Variants in TRPM7 observed in about 807,000 individuals in gnomAD.
TRPM7 encodes the protein transient receptor potential cation channel subfamily M member 7.
A neutral mutation model predicts 229.7 loss-of-function variants in TRPM7; 134 were observed. The ratio of observed to expected loss-of-function variants is 0.58; its 90% CI spans 0.51 to 0.67. TRPM7 has a LOEUF of 0.67. Ranked by LOEUF, TRPM7 falls within the 30% of genes least tolerant of loss-of-function variation. TRPM7 has a pLI of 0.00. For missense variants in TRPM7, 1,901 were observed against 2,210.0 expected (o/e 0.86, Z 2.80); for synonymous variants, 699 against 715.2 (o/e 0.98, Z 0.36).
chr15:50,668,823 T>C (rs1488194514), intron 1 of TRPM7, among the ~76,000 whole-genome samples: 4 of 142,856 alleles, frequency 2.8e-5, no homozygotes, highest in African/African-American at 9.9e-5. Flanking sequence ...TAGATATTTG[T>C]ATAAGTGCAG....
rs182363756 is a variant in TRPM7, at chr15:50,646,883, C to T, written c.321+1804G>A. Among the ~76,000 whole-genome samples the T allele has an allele frequency of 1.4e-4, 21 of 152,294 alleles. No homozygotes were observed. In the East Asian group the frequency reaches 4.1e-3, roughly 29 times the overall value. ...GACACATATTTCCCATTGTGTTACA[C>T]TGTTACACCTGCCTACCATATTTAG... On this transcript the variant is annotated intron_variant, in intron 4 of 38. Transcript: ENST00000646667.
Position 50,591,912 on chromosome 15 carries a change from T to C in TRPM7, c.4323A>G (p.Val1441=). 6.5e-7 allele frequency: 1 copy of C among 1,545,742 alleles called. No homozygotes were observed. Among genetic ancestry groups the C allele is most frequent in the Non-Finnish European group, 8.7e-7 (1 of 1,152,116 alleles). The stretch of plus-strand genomic sequence containing the variant: ...CAAATACGAATTTGCCAAACTTACC[T>C]ACAAATGCTCCAAATTCTGTATTAT... ...EGDNTEFGAF[V]GHRDSMDLQR... Residue 1441 remains valine (V), a splice_region_variant and synonymous_variant, in exon 26 of 39, where the codon GTA becomes GTG. Transcript: ENST00000646667.
In TRPM7 at chr15:50,607,273, TC is replaced by T; in HGVS notation, c.2635del (p.Glu879AsnfsTer34). ...LYTFVVLVQM[E>X]QLPSVQEWIV... ...CCATTCTTGAACTGAAGGTAACTGT[TC>T]CATTTGTACAAGAACCACAAATGTA... On this transcript the variant is annotated frameshift_variant, in exon 20 of 39. Transcript: ENST00000646667. LOFTEE classifies it high-confidence loss of function. 1 of 1,608,432 alleles carries T rather than the reference TC, an allele frequency of 6.2e-7. No homozygotes were observed. Among genetic ancestry groups the T allele is most frequent in the South Asian group, 1.1e-5 (1 of 89,510 alleles).
At chr15:50,636,336 A>G (rs1486529702) in intron 7 of TRPM7, among the ~76,000 whole-genome samples, 2 of 151,948 alleles carry the variant, frequency 1.3e-5, no homozygotes, top group Non-Finnish European at 2.9e-5. Flanking sequence ...GACTACAAGC[A>G]CACGCCACCA....
intron 10 of TRPM7, 21 bp from the exon 11 acceptor site, chr15:50,628,270 G>GTT (rs748870169): frequency 4.0e-6 from 6 of 1,507,652 alleles, no homozygotes. Flanking sequence ...AAAGAAAATA[G>GTT]TTGACAGGTT....
chr15:50,587,405 C>CTTTT lies in TRPM7; in HGVS notation c.4390-921_4390-918dup, dbSNP rs34826776. On this transcript the variant is annotated intron_variant, in intron 27 of 38. Coordinates refer to ENST00000646667, the MANE Select transcript of TRPM7 (RefSeq NM_017672.6). ...GGCTTTACTGGCTCAATAAATACTG[C>CTTTT]TTTTTTTTTTTTTTTTTTTGAGATG... 9.8e-4 allele frequency among the ~76,000 whole-genome samples: 90 copies of CTTTT among 91,662 alleles called. 3 individuals carry two copies. The highest frequency in any genetic ancestry group is 2.4e-3 in the East Asian group (6 of 2,452). The allele number at this position is 91,662 out of a possible 152,430, so 60.1% of individuals were successfully genotyped here.
chr15:50,644,819 A>AG (rs2061213474), intron 4 of TRPM7, among the ~76,000 whole-genome samples: 2 of 147,680 alleles, frequency 1.4e-5, no homozygotes, highest in South Asian at 4.3e-4. Context: ...AAAAAAAAAA[A>AG]AAAGAAATGA....
At chr15:50,571,955 C>T (rs938701597) in intron 36 of TRPM7, among the ~76,000 whole-genome samples, 6 of 152,218 alleles carry the variant, frequency 3.9e-5, no homozygotes, top group Non-Finnish European at 8.8e-5. Context: ...TCAAATGGCA[C>T]TGCGTGCTAC....
intron 17 of TRPM7, 85 bp from the exon 18 acceptor site, chr15:50,610,046 T>G (rs978687567): frequency 9.8e-7 from 1 of 1,023,476 alleles, no homozygotes; most frequent in African/African-American, 1.7e-5. Context: ...ATAAAAACAA[T>G]AAAAGATTTT....
chr15:50,562,551 T>C (rs1230446641), intron 38 of TRPM7, among the ~76,000 whole-genome samples: 1 of 152,004 alleles, frequency 6.6e-6, no homozygotes, highest in East Asian at 1.9e-4. Flanking sequence ...GAGAGAATCA[T>C]TTGAGGTCAG....
intron 1 of TRPM7, among the ~76,000 whole-genome samples, chr15:50,679,501 G>GCA (rs2062182572): frequency 1.2e-5 from 1 of 84,626 alleles, no homozygotes; most frequent in Non-Finnish European, 2.3e-5. Flanking sequence ...ATATATATGT[G>GCA]TATATATATA....
intron 38 of TRPM7, among the ~76,000 whole-genome samples, 189 bp downstream of exon 38, chr15:50,569,698 C>A (rs143841062): frequency 6.6e-6 from 1 of 152,070 alleles, no homozygotes; most frequent in Non-Finnish European, 1.5e-5. Context: ...AATTAATGAA[C>A]TTTGTATAAA....
chr15:50,672,009 A>G (rs2061999421), intron 1 of TRPM7, among the ~76,000 whole-genome samples: 1 of 152,090 alleles, frequency 6.6e-6, no homozygotes, highest in African/African-American at 2.4e-5. Context: ...TTACTAGACT[A>G]CGCTTTTTAT....
At chr15:50,627,436 AG>A (rs776766144) in intron 11 of TRPM7, among the ~76,000 whole-genome samples, 20 of 152,182 alleles carry the variant, frequency 1.3e-4, no homozygotes, top group Non-Finnish European at 1.9e-4. Context: ...ATAGAGAGAC[AG>A]GCAAGTACAA....
chr15:50,639,987 A>C (rs999073152), intron 5 of TRPM7, among the ~76,000 whole-genome samples: 1 of 152,200 alleles, frequency 6.6e-6, no homozygotes, highest in Non-Finnish European at 1.5e-5. Context: ...AACAAAAACC[A>C]CTAAACCCCA....
chr15:50,663,110 TC>T (rs2061776283), intron 1 of TRPM7, 64 bp from the exon 2 acceptor site: 5 of 1,291,014 alleles, frequency 3.9e-6, no homozygotes, highest in African/African-American at 3.0e-5. Context: ...GGAAACAATT[TC>T]ATGATAAACA....
intron 17 of TRPM7, 40 bp downstream of exon 17, chr15:50,611,053 C>T (rs1210655570): frequency 6.8e-7 from 1 of 1,478,364 alleles, no homozygotes; most frequent in South Asian, 1.1e-5. Context: ...TTCTTTTTAT[C>T]TAATCACATG....
At chr15:50,600,561 C>A (rs1304582167) in intron 21 of TRPM7, among the ~76,000 whole-genome samples, 1 of 151,854 alleles carries the variant, frequency 6.6e-6, no homozygotes, top group Non-Finnish European at 1.5e-5. Context: ...AAAGAGAATA[C>A]ATTTACAATA....
chr15:50,657,452 A>C (rs12913081), intron 3 of TRPM7, among the ~76,000 whole-genome samples: 12,112 of 152,210 alleles, frequency 0.08, 572 homozygotes, highest in South Asian at 0.12. Context: ...CCAGGCCCAA[A>C]TCTCTCAAAT....
Sources: gnomAD v4.1 joint callset for allele counts (sites outside exome capture counted in the v4.1 genomes callset) on GRCh38, gnomAD v4.1.1 for gene constraint, MANE v1.5 for transcripts, NCBI Gene and HGNC (gene_info 2026-07-23, HGNC 2026-07-21) for gene names.